The following DSTN variants were observed in gnomAD, a reference collection of about 807,000 sequenced individuals.
DSTN encodes the protein destrin, actin depolymerizing factor, also known as destrin.
In DSTN, 10 loss-of-function variants were observed where a neutral mutation model predicts 16.8. The observed-to-expected ratio is 0.60, with a 90% confidence interval of 0.37 to 1.01. DSTN has a LOEUF of 1.01. DSTN is among the 50% of genes least tolerant of loss of function. DSTN has a pLI of 0.01. For synonymous variants in DSTN, 57 were observed against 58.9 expected, an observed-to-expected ratio of 0.97 and a Z score of 0.14; for missense variants, 141 against 196.7, an observed-to-expected ratio of 0.72 and a Z score of 1.69.
intron 1 of DSTN, among the ~76,000 whole-genome samples, chr20:17,572,742 G>A (rs2035221944): frequency 6.6e-6 from 1 of 152,138 alleles, no homozygotes; most frequent in Non-Finnish European, 1.5e-5. Context: ...AGGATTAATT[G>A]ACTTGAGACA....
At chr20:17,595,650 A>C (rs1332112454) in intron 1 of DSTN, among the ~76,000 whole-genome samples, 2 of 152,116 alleles carry the variant, frequency 1.3e-5, no homozygotes, top group African/African-American at 4.8e-5. Flanking sequence ...TCTGGAGCCA[A>C]ATTGCCAGAG....
At chr20:17,593,677 A>G (rs1348933312) in intron 1 of DSTN, among the ~76,000 whole-genome samples, 1 of 152,226 alleles carries the variant, frequency 6.6e-6, no homozygotes, top group East Asian at 1.9e-4. Context: ...AAGGCCCTGA[A>G]GTGGGCCAGA....
intron 1 of DSTN, among the ~76,000 whole-genome samples, chr20:17,577,727 T>C (rs1168698523): frequency 2.0e-5 from 3 of 152,170 alleles, no homozygotes; most frequent in African/African-American, 7.2e-5. Flanking sequence ...TTTTTAAAAA[T>C]TGAGAAATTT....
chr20:17,588,752 C>G (rs1006951072), intron 1 of DSTN, among the ~76,000 whole-genome samples: 2 of 152,170 alleles, frequency 1.3e-5, no homozygotes, highest in African/African-American at 4.8e-5. Flanking sequence ...CCACTGCACT[C>G]CAGCCTGGGC....
intron 2 of DSTN, among the ~76,000 whole-genome samples, chr20:17,602,522 A>G (rs143151230): frequency 7.8e-4 from 119 of 152,348 alleles, no homozygotes; most frequent in African/African-American, 2.8e-3. Flanking sequence ...GGAAAATAAT[A>G]GAAGAAAAGG....
At chr20:17,587,697 T>C (rs2035426457) in intron 1 of DSTN, among the ~76,000 whole-genome samples, 1 of 152,106 alleles carries the variant, frequency 6.6e-6, no homozygotes, top group Non-Finnish European at 1.5e-5. Flanking sequence ...TCTGTCATTG[T>C]GTACATGATA....
At chr20:17,574,526 T>G (rs1030389844) in intron 1 of DSTN, among the ~76,000 whole-genome samples, 4 of 152,020 alleles carry the variant, frequency 2.6e-5, no homozygotes, top group Non-Finnish European at 1.5e-5. Flanking sequence ...ACAATGCACT[T>G]CTGCTAAAAT....
In DSTN at chr20:17,581,040, G is replaced by A. The variant is rs942042459; in HGVS notation, c.3+10829G>A. Among the ~76,000 whole-genome samples the A allele has an allele frequency of 3.9e-5, 6 of 152,186 alleles. 1 individual carries two copies. Among genetic ancestry groups the A allele is most frequent in the African/African-American group, 1.4e-4 (6 of 41,464 alleles). ...CAGAAAGGGCCATTAGGTCAAAGGT[G>A]AGGAATTTGAATTTTATTCTGATGA... On this transcript the variant is annotated intron_variant, in intron 1 of 3. Coordinates refer to ENST00000246069, the MANE Select transcript of DSTN (RefSeq NM_006870.4).
chr20:17,578,422 G>A (rs2035303402), intron 1 of DSTN, among the ~76,000 whole-genome samples: 1 of 152,088 alleles, frequency 6.6e-6, no homozygotes, highest in South Asian at 2.1e-4. Context: ...TTTAAGTATT[G>A]AATTAATTGA....
At chr20:17,589,179 G>C (rs1023234498) in intron 1 of DSTN, among the ~76,000 whole-genome samples, 1 of 151,404 alleles carries the variant, frequency 6.6e-6, no homozygotes, top group African/African-American at 2.4e-5. Flanking sequence ...GTTTTGGTAG[G>C]GAGATGTATA....
rs1297606056 is a variant in DSTN at position 17,608,725 on chromosome 20, C to G, written c.*1579C>G. 3 of 151,354 alleles carry G rather than the reference C, an allele frequency of 2.0e-5. No individual in the cohort carries two copies. The highest frequency in any genetic ancestry group is 2.9e-5 in the Non-Finnish European group (2 of 67,910). The allele number at this position is 151,354 out of a possible 1,614,324, so 9.4% of individuals were successfully genotyped here. Reference sequence around the variant, plus strand: ...CACTATAAGTGTAATAAATATTATACAAAATTATAAATTCACATTTAAAAT... The same window carrying G: ...CACTATAAGTGTAATAAATATTATAGAAAATTATAAATTCACATTTAAAAT... On this transcript the variant is annotated 3_prime_UTR_variant, in exon 4 of 4. Coordinates refer to ENST00000246069, the MANE Select transcript of DSTN (RefSeq NM_006870.4).
At chr20:17,589,490 C>T (rs58096243) in intron 1 of DSTN, among the ~76,000 whole-genome samples, 1,700 of 152,342 alleles carry the variant, frequency 0.011, 23 homozygotes, top group African/African-American at 0.038. Context: ...CAGGCGTGAG[C>T]CGCAGCGCCC....
chr20:17,581,434 G>T (rs892796344), intron 1 of DSTN, among the ~76,000 whole-genome samples: 6 of 152,204 alleles, frequency 3.9e-5, no homozygotes, highest in African/African-American at 1.2e-4. Flanking sequence ...GGTGAGCCAA[G>T]TTCACGCCAT....
At chr20:17,594,834 A>C (rs961507285) in intron 1 of DSTN, among the ~76,000 whole-genome samples, 1 of 152,240 alleles carries the variant, frequency 6.6e-6, no homozygotes, top group African/African-American at 2.4e-5. Context: ...TGCTAAGAAC[A>C]TCTCTTAGGC....
At chr20:17,583,342 C>A (rs1249709298) in intron 1 of DSTN, among the ~76,000 whole-genome samples, 1 of 152,134 alleles carries the variant, frequency 6.6e-6, no homozygotes, top group African/African-American at 2.4e-5. Flanking sequence ...CTCCTACCTA[C>A]ATATCCAAGC....
rs891732570 is a variant in DSTN at position 17,609,718 on chromosome 20, A to G, written c.*2572A>G. 15 of 152,224 alleles carry G rather than the reference A, an allele frequency of 9.9e-5. No individual in the cohort carries two copies. Among genetic ancestry groups the G allele is most frequent in the African/African-American group, 3.6e-4 (15 of 41,464 alleles). The allele number at this position is 152,224 out of a possible 1,614,324, so 9.4% of individuals were successfully genotyped here. On this transcript the variant is annotated 3_prime_UTR_variant, in exon 4 of 4. Transcript: ENST00000246069. Reference sequence around the variant, plus strand: ...CTCAAGGCGATTCTGGTACATAATTAGGGTTCAGACCTCAGCTGATTGGTC... The same window carrying G: ...CTCAAGGCGATTCTGGTACATAATTGGGGTTCAGACCTCAGCTGATTGGTC...
chr20:17,584,027 TTA>T (rs1395821288), intron 1 of DSTN, among the ~76,000 whole-genome samples: 1 of 152,072 alleles, frequency 6.6e-6, no homozygotes, highest in Non-Finnish European at 1.5e-5. Context: ...GCATGAGCCA[TTA>T]CACCCAGCCC....
At chr20:17,604,439 TATCTC>T (rs2035619467) in intron 2 of DSTN, 111 bp from the exon 3 acceptor site, 8 of 1,065,380 alleles carry the variant, frequency 7.5e-6, no homozygotes, top group Admixed American at 2.7e-5. Context: ...TAAGAAAAAA[TATCTC>T]AGGAGAGTCT....
rs186887393 is a variant in DSTN, at chr20:17,605,270, G to A, written c.388+639G>A. ...GTGCCCAAAGGCCTGCACTGAGGGC[G>A]AAGCCTGTCTAACTGCTGTGTGGCC... On this transcript the variant is annotated intron_variant, in intron 3 of 3. Coordinates refer to ENST00000246069, the MANE Select transcript of DSTN (RefSeq NM_006870.4). 48 of 425,032 alleles carry A rather than the reference G, an allele frequency of 1.1e-4. 2 individuals are homozygous for A. Among genetic ancestry groups the A allele is most frequent in the Middle Eastern group, 4.2e-4 (1 of 2,380 alleles). The allele number at this position is 425,032 out of a possible 1,614,324, so 26.3% of individuals were successfully genotyped here. A position where few individuals can be genotyped will look rare whatever the true frequency, so the allele number is the denominator to read the frequency against.
Sources: gnomAD v4.1 joint callset for allele counts (sites outside exome capture counted in the v4.1 genomes callset) on GRCh38, gnomAD v4.1.1 for gene constraint, MANE v1.5 for transcripts, NCBI Gene and HGNC (gene_info 2026-07-23, HGNC 2026-07-21) for gene names.